NBAS: variants seen among roughly 807,000 people sequenced by gnomAD.
NBAS encodes the protein NAG/BC035112 fusion.
NBAS carries 219 observed loss-of-function variants against 302.5 expected under a neutral mutation model. The observed-to-expected ratio is 0.72, with a 90% CI of 0.65 to 0.81. NBAS has a LOEUF of 0.81. NBAS is among the 30% of genes least tolerant of loss of function. The pLI is 0.00. For synonymous variants in NBAS, 1,118 were observed against 1,021.6 expected, an observed-to-expected ratio of 1.09 and a Z score of -1.80; for missense variants, 2,932 against 2,841.6, an observed-to-expected ratio of 1.03 and a Z score of -0.72.
chr2:14,827,364 T>C, the NBAS span, among the ~76,000 whole-genome samples: 1 of 152,226 alleles, frequency 6.6e-6, no homozygotes, highest in Non-Finnish European at 1.5e-5. Flanking sequence ...ATATAAGAAT[T>C]ACAAGCATGA....
the NBAS span, among the ~76,000 whole-genome samples, chr2:15,094,372 A>T: frequency 6.6e-6 from 1 of 152,256 alleles, no homozygotes; most frequent in Admixed American, 6.5e-5. Flanking sequence ...TGCTCCTGGT[A>T]ATAATAGTGT....
At chr2:14,969,710 G>A in the NBAS span, among the ~76,000 whole-genome samples, 279 of 152,248 alleles carry the variant, frequency 1.8e-3, 2 homozygotes, top group South Asian at 0.025. Flanking sequence ...AGTGGAGAAA[G>A]GTTAGTCTTA....
At chr2:14,858,829 T>C in the NBAS span, among the ~76,000 whole-genome samples, 1 of 152,112 alleles carries the variant, frequency 6.6e-6, no homozygotes, top group African/African-American at 2.4e-5. Flanking sequence ...TATAATTAGA[T>C]TGTTTGCAAC....
chr2:15,041,586 C>T, the NBAS span, among the ~76,000 whole-genome samples: 42 of 152,336 alleles, frequency 2.8e-4, no homozygotes, highest in African/African-American at 8.9e-4. Context: ...CAGCCAGGGA[C>T]AGACAAATGG....
chr2:15,115,097 T>G, the NBAS span, among the ~76,000 whole-genome samples: 1 of 152,216 alleles, frequency 6.6e-6, no homozygotes, highest in Non-Finnish European at 1.5e-5. Context: ...TTGAGGCCTG[T>G]CTTCATGAAC....
chr2:14,805,572 C>A, the NBAS span, among the ~76,000 whole-genome samples: 2 of 152,222 alleles, frequency 1.3e-5, no homozygotes, highest in Admixed American at 6.5e-5. Context: ...GAAATATGAA[C>A]TTGATGAGGA....
At chr2:14,995,491 G>A in the NBAS span, among the ~76,000 whole-genome samples, 18 of 152,274 alleles carry the variant, frequency 1.2e-4, no homozygotes, top group Non-Finnish European at 2.4e-4. Context: ...AAGCCCTTGG[G>A]CTGGGTCAGG....
At chr2:14,843,557 G>C in the NBAS span, among the ~76,000 whole-genome samples, 497 of 147,088 alleles carry the variant, frequency 3.4e-3, 3 homozygotes, top group Non-Finnish European at 4.6e-3. Flanking sequence ...TACAGACACA[G>C]ACACACACAC....
chr2:14,813,823 C>T, the NBAS span, among the ~76,000 whole-genome samples: 1 of 152,156 alleles, frequency 6.6e-6, no homozygotes, highest in African/African-American at 2.4e-5. Context: ...GGGGAAAATG[C>T]CTCCAAGGTA....
chr2:15,091,668 G>A, the NBAS span, among the ~76,000 whole-genome samples: 52,906 of 151,848 alleles, frequency 0.35, 10,612 homozygotes, highest in East Asian at 0.49. Context: ...GAGTAGCTGG[G>A]ATTACAGGCG....
chr2:15,544,982 G>A (rs1240044757), intron 6 of NBAS, among the ~76,000 whole-genome samples: 2 of 151,438 alleles, frequency 1.3e-5, no homozygotes, highest in African/African-American at 4.8e-5. Flanking sequence ...CTGCACTCCA[G>A]CCTAGGTGAT....
chr2:14,793,786 A>G, the NBAS span, among the ~76,000 whole-genome samples: 1 of 152,194 alleles, frequency 6.6e-6, no homozygotes, highest in Non-Finnish European at 1.5e-5. Flanking sequence ...TTTGAAAACT[A>G]AAGTCGAAGA....
At chr2:14,888,894 A>G in the NBAS span, among the ~76,000 whole-genome samples, 1 of 152,338 alleles carries the variant, frequency 6.6e-6, no homozygotes, top group Admixed American at 6.5e-5. Context: ...TGAAATGAGT[A>G]TCTCCGTAGA....
At chr2:15,312,962 T>C (rs1671347148) in intron 38 of NBAS, among the ~76,000 whole-genome samples, 1 of 152,238 alleles carries the variant, frequency 6.6e-6, no homozygotes. Context: ...CTCTACCTGA[T>C]GCCTTCAGTC....
chr2:15,475,854 C>G lies in NBAS; in HGVS notation c.1174G>C (p.Asp392His). Reference sequence around the variant, plus strand: ...GCACTGTCTGCCCACCAATTGACATCTATCAGTGGGTAAAAGGACTCTTTA... The same window carrying G: ...GCACTGTCTGCCCACCAATTGACATGTATCAGTGGGTAAAAGGACTCTTTA... ...KDKESFYPLI[D>H]VNWWADSAVT... Residue 392 changes from aspartate (D) to histidine (H), a missense_variant, in exon 14 of 52, where the codon GAT (aspartate) becomes CAT (histidine). By Grantham distance (81) the Asp-to-His change is moderately conservative. Coordinates refer to ENST00000281513, the MANE Select transcript of NBAS (RefSeq NM_015909.4). 1 of 1,613,910 alleles carries G rather than the reference C, an allele frequency of 6.2e-7. No homozygotes were observed. The highest frequency in any genetic ancestry group is 8.5e-7 in the Non-Finnish European group (1 of 1,179,848).
chr2:14,973,290 A>C, the NBAS span, among the ~76,000 whole-genome samples: 2 of 152,240 alleles, frequency 1.3e-5, no homozygotes, highest in African/African-American at 2.4e-5. Flanking sequence ...CTGCTGTATC[A>C]GATAGACCTT....
At chr2:14,817,615 T>C in the NBAS span, among the ~76,000 whole-genome samples, 1 of 152,214 alleles carries the variant, frequency 6.6e-6, no homozygotes, top group Non-Finnish European at 1.5e-5. Flanking sequence ...GAAGGATTCT[T>C]GATACATGTA....
intron 6 of NBAS, among the ~76,000 whole-genome samples, chr2:15,548,903 C>T (rs1664243315): frequency 6.6e-6 from 1 of 152,116 alleles, no homozygotes; most frequent in African/African-American, 2.4e-5. Flanking sequence ...CTGTTTTGTA[C>T]TAGAACATAA....
intron 44 of NBAS, among the ~76,000 whole-genome samples, chr2:15,258,099 C>T (rs888615293): frequency 1.6e-4 from 24 of 152,080 alleles, no homozygotes; most frequent in African/African-American, 5.6e-4. Flanking sequence ...TGGCTGGAGC[C>T]GTGGCAGAGG....
Sources: allele counts gnomAD v4.1 joint callset (sites outside exome capture counted in the v4.1 genomes callset), GRCh38; gene constraint gnomAD v4.1.1; transcripts MANE v1.5; gene names NCBI Gene and HGNC (gene_info 2026-07-23, HGNC 2026-07-21).